The following FGF14 variants were observed in gnomAD, a reference collection of about 807,000 sequenced individuals.
The protein encoded by FGF14 is fibroblast growth factor homologous factor 4.
In FGF14, 5 loss-of-function variants were observed where a neutral mutation model predicts 25.5. The observed-to-expected ratio is 0.20, with a 90% CI of 0.10 to 0.41. The LOEUF is 0.41. Among genes scored for constraint, FGF14 ranks in the 10% least tolerant of loss-of-function variants. The probability of loss-of-function intolerance (pLI) is 1.00; values close to 1 mark genes in which losing one functional copy is unlikely to be tolerated. For missense variants in FGF14, 222 were observed against 320.1 expected, an observed-to-expected ratio of 0.69 and a Z score of 2.34; for synonymous variants, 138 against 118.3, an observed-to-expected ratio of 1.17 and a Z score of -1.08.
At chr13:101,787,526 G>T (rs1242787438) in intron 3 of FGF14, among the ~76,000 whole-genome samples, 1 of 152,126 alleles carries the variant, frequency 6.6e-6, no homozygotes, top group Non-Finnish European at 1.5e-5. Flanking sequence ...AAAAAGGATT[G>T]TGTCTGCAAG....
At chr13:102,207,835 C>T (rs1594412631) in intron 1 of FGF14, among the ~76,000 whole-genome samples, 1 of 152,106 alleles carries the variant, frequency 6.6e-6, no homozygotes, top group East Asian at 1.9e-4. Flanking sequence ...TTCATAGCTG[C>T]ACAGTGAACC....
In FGF14 at chr13:102,347,482, C is replaced by T. The variant is rs545622069; in HGVS notation, c.208+53989G>A. 4.6e-5 allele frequency among the ~76,000 whole-genome samples: 7 copies of T among 152,248 alleles called. No individual in the cohort carries two copies. The South Asian group carries it at 1.2e-3, about 27-fold the overall frequency. The stretch of plus-strand genomic sequence containing the variant: ...CACCTGACACATCATCAGGAGTTGA[C>T]ATGGCCAGGAGGGGGCTGAGTTTGT... On this transcript the variant is annotated intron_variant, in intron 1 of 4. Coordinates refer to the FGF14 transcript ENST00000376131.
intron 3 of FGF14, among the ~76,000 whole-genome samples, chr13:101,789,983 C>T (rs1427412419): frequency 9.9e-5 from 15 of 151,538 alleles, no homozygotes; most frequent in Admixed American, 9.9e-4. Flanking sequence ...GAGGCTTCTT[C>T]TCCTTGCTTT....
intron 3 of FGF14, among the ~76,000 whole-genome samples, chr13:101,733,453 G>T (rs2035945836): frequency 6.6e-6 from 1 of 151,978 alleles, no homozygotes; most frequent in Non-Finnish European, 1.5e-5. Flanking sequence ...AAATTAGCTG[G>T]GCGTAGTGGC....
At chr13:102,294,826 A>G (rs949664958) in intron 1 of FGF14, among the ~76,000 whole-genome samples, 1 of 152,118 alleles carries the variant, frequency 6.6e-6, no homozygotes, top group Non-Finnish European at 1.5e-5. Context: ...CTATCAAAAG[A>G]CGGCTCTCTC....
intron 1 of FGF14, among the ~76,000 whole-genome samples, chr13:101,948,287 T>C (rs948138311): frequency 6.6e-6 from 1 of 152,098 alleles, no homozygotes. Context: ...GCCCAATATA[T>C]AGCATGCCAA....
At chr13:101,857,126 T>C (rs766372049) in intron 3 of FGF14, among the ~76,000 whole-genome samples, 2 of 152,166 alleles carry the variant, frequency 1.3e-5, no homozygotes, top group Non-Finnish European at 2.9e-5. Flanking sequence ...CACCAATTTA[T>C]TGGGTTAGTA....
At chr13:101,981,514 C>T (rs2038263230) in intron 1 of FGF14, among the ~76,000 whole-genome samples, 1 of 152,100 alleles carries the variant, frequency 6.6e-6, no homozygotes, top group African/African-American at 2.4e-5. Flanking sequence ...ACTAAGACAA[C>T]ATGTGGCAGA....
At chr13:102,170,171 G>A (rs1462545869) in intron 1 of FGF14, among the ~76,000 whole-genome samples, 2 of 152,036 alleles carry the variant, frequency 1.3e-5, no homozygotes, top group Non-Finnish European at 2.9e-5. Context: ...GGAAAACTCT[G>A]AGATGTGGCT....
At chr13:101,791,649 T>C (rs2040239950) in intron 3 of FGF14, among the ~76,000 whole-genome samples, 2 of 152,116 alleles carry the variant, frequency 1.3e-5, no homozygotes, top group African/African-American at 4.8e-5. Flanking sequence ...GACTGGCAGA[T>C]TTCTAAAAAC....
At chr13:102,272,295 C>T (rs928272628) in intron 1 of FGF14, among the ~76,000 whole-genome samples, 4 of 152,164 alleles carry the variant, frequency 2.6e-5, no homozygotes, top group African/African-American at 9.7e-5. Flanking sequence ...ACAACTCATT[C>T]TAATAAACCC....
intron 1 of FGF14, among the ~76,000 whole-genome samples, chr13:102,349,866 C>G (rs1271456661): frequency 6.6e-6 from 1 of 152,196 alleles, no homozygotes; most frequent in Non-Finnish European, 1.5e-5. Flanking sequence ...ATTACTTTCA[C>G]TAATCAGTAG....
intron 3 of FGF14, among the ~76,000 whole-genome samples, chr13:101,738,536 A>G (rs2036328200): frequency 6.6e-6 from 1 of 152,280 alleles, no homozygotes; most frequent in African/African-American, 2.4e-5. Flanking sequence ...AGGTTAACAC[A>G]AAAGGACAAA....
Position 102,091,702 on chromosome 13 carries a change from G to T in FGF14, c.209-216406C>A, listed in dbSNP as rs657535. 2.0e-5 allele frequency among the ~76,000 whole-genome samples: 3 copies of T among 151,646 alleles called. No homozygotes were observed. The South Asian group carries it at 6.2e-4, about 32-fold the overall frequency. On this transcript the variant is annotated intron_variant, in intron 1 of 4. Coordinates refer to the FGF14 transcript ENST00000376131. ...TTTGAGTTTCACTAGACCTTCCCTCGAAGTTTTTTGTTTTCCTTTTTTTCC... is the reference window on the plus strand; with the variant it reads ...TTTGAGTTTCACTAGACCTTCCCTCTAAGTTTTTTGTTTTCCTTTTTTTCC...
intron 1 of FGF14, among the ~76,000 whole-genome samples, chr13:102,213,662 T>C (rs1392512804): frequency 6.6e-6 from 1 of 152,142 alleles, no homozygotes; most frequent in Non-Finnish European, 1.5e-5. Flanking sequence ...CACTGATGAG[T>C]GAGGAGAAAT....
chr13:101,712,512 A>T lies in FGF14; in HGVS notation c.*10319T>A, dbSNP rs977196132. 1 of 152,224 alleles carries T rather than the reference A, an allele frequency of 6.6e-6. No individual in the cohort carries two copies. The highest frequency in any genetic ancestry group is 2.4e-5 in the African/African-American group (1 of 41,456). The allele number at this position is 152,224 out of a possible 1,614,324, so 9.4% of individuals were successfully genotyped here. Reference sequence around the variant, plus strand: ...TTGAAGATGAAATATAAGATATTTCATGAATTGTGACATATATAAAATGAT... The same window carrying T: ...TTGAAGATGAAATATAAGATATTTCTTGAATTGTGACATATATAAAATGAT... On this transcript the variant is annotated 3_prime_UTR_variant, in exon 5 of 5. Coordinates refer to ENST00000376143, the MANE Select transcript of FGF14 (RefSeq NM_004115.4).
chr13:101,867,889 G>GAC (rs370683665), intron 3 of FGF14, among the ~76,000 whole-genome samples: 34,472 of 140,412 alleles, frequency 0.25, 4,079 homozygotes, highest in South Asian at 0.31. Flanking sequence ...TTCTGTTTAA[G>GAC]ACACACACAC....
At chr13:101,891,773 A>T (rs1232087143) in intron 1 of FGF14, among the ~76,000 whole-genome samples, 1 of 152,176 alleles carries the variant, frequency 6.6e-6, no homozygotes, top group Non-Finnish European at 1.5e-5. Flanking sequence ...CCAATCAGAA[A>T]TTTAACAATG....
intron 1 of FGF14, among the ~76,000 whole-genome samples, chr13:102,348,250 T>G (rs985241272): frequency 6.6e-6 from 1 of 152,194 alleles, no homozygotes; most frequent in Non-Finnish European, 1.5e-5. Context: ...TGTTAAGAAC[T>G]CTACATTATT....
Sources: allele counts gnomAD v4.1 joint callset (sites outside exome capture counted in the v4.1 genomes callset), GRCh38; gene constraint gnomAD v4.1.1; transcripts MANE v1.5; gene names NCBI Gene and HGNC (gene_info 2026-07-23, HGNC 2026-07-21).